The following RBBP8 variants were observed in gnomAD, a reference collection of about 807,000 sequenced individuals.
RBBP8 encodes RB binding protein 8, endonuclease.
RBBP8 carries 88 observed loss-of-function variants against 108.3 expected under a neutral mutation model. The ratio of observed to expected loss-of-function variants is 0.81; its 90% CI spans 0.68 to 0.97. RBBP8 has a LOEUF of 0.97. Among genes scored for constraint, RBBP8 ranks in the 50% least tolerant of loss-of-function variants. The pLI is 0.00. For missense variants in RBBP8, 1,023 were observed against 1,049.0 expected (o/e 0.98, Z 0.34); for synonymous variants, 332 against 348.2 (o/e 0.95, Z 0.52).
At chr18:22,997,792 T>C in intron 14 of RBBP8, 58 bp downstream of exon 14, 1 of 1,207,584 alleles carries the variant, frequency 8.3e-7, no homozygotes, top group African/African-American at 1.5e-5. Context: ...AGTTTGTAGT[T>C]GTACCATTGC....
Position 22,936,956 on chromosome 18 carries a change from A to G in RBBP8, c.105A>G (p.Val35=). The G allele has an allele frequency of 6.2e-7, 1 of 1,614,020 alleles. No individual in the cohort carries two copies. The highest frequency in any genetic ancestry group is 1.1e-5 in the South Asian group (1 of 91,086). Reference sequence around the variant, plus strand: ...TAAAAGAATGTCATGATAGAGAAGTACAAGGTAAAATCTTTTCTTAAATAC... The same window carrying G: ...TAAAAGAATGTCATGATAGAGAAGTGCAAGGTAAAATCTTTTCTTAAATAC... ...TKLKECHDRE[V]QGLQVKVTKL... is the part of the protein sequence containing the mutation. The change falls in exon 2 of 19, where the codon GTA becomes GTG. Residue 35 remains valine (V), a synonymous_variant. Transcript: ENST00000327155.
At chr18:22,997,760 T>C (rs747816339) in intron 14 of RBBP8, 26 bp downstream of exon 14, 1 of 1,443,626 alleles carries the variant, frequency 6.9e-7, no homozygotes, top group South Asian at 1.2e-5. Flanking sequence ...GTTTTGTTAT[T>C]TTTTTTAATA....
At chr18:22,997,840 G>A in intron 14 of RBBP8, 106 bp downstream of exon 14, 1 of 793,676 alleles carries the variant, frequency 1.3e-6, no homozygotes, top group Admixed American at 2.0e-5. Flanking sequence ...CATAAAGCAG[G>A]TTTTTTCCTG....
intron 3 of RBBP8, among the ~76,000 whole-genome samples, chr18:22,917,723 G>A (rs755440637): frequency 5.3e-5 from 8 of 151,986 alleles, no homozygotes; most frequent in Non-Finnish European, 8.8e-5. Context: ...TGTTGGGGCC[G>A]GGCGCAGTGG....
chr18:23,013,419 G>C (rs186708289), intron 16 of RBBP8, among the ~76,000 whole-genome samples: 55 of 152,226 alleles, frequency 3.6e-4, no homozygotes, highest in African/African-American at 1.2e-3. Context: ...CAGTTTTTTG[G>C]TATGAGTTAC....
chr18:22,991,248 A>G (rs575168247), intron 10 of RBBP8, among the ~76,000 whole-genome samples, 199 bp downstream of exon 10: 2 of 152,330 alleles, frequency 1.3e-5, no homozygotes, highest in Admixed American at 6.5e-5. Flanking sequence ...GGTGGATATC[A>G]TTTTTAGCTA....
rs1040204500 is a variant in RBBP8 at position 22,917,656 on chromosome 18, G to A, written c.-154+630G>A. Among the ~76,000 whole-genome samples, 14 of 152,144 alleles carry A rather than the reference G, an allele frequency of 9.2e-5. No individual in the cohort carries two copies. The South Asian group carries it at 1.9e-3, about 20-fold the overall frequency. ...GTCAACTTTAACTTAGAATATGCAC[G>A]TTTTTGTCAGAAAGATAAAAATAAA... On this transcript the variant is annotated intron_variant, in intron 3 of 4. Coordinates refer to the RBBP8 transcript ENST00000577588.
At chr18:22,951,924 T>C (rs748719241) in intron 4 of RBBP8, among the ~76,000 whole-genome samples, 2 of 152,106 alleles carry the variant, frequency 1.3e-5, no homozygotes, top group Non-Finnish European at 2.9e-5. Context: ...CACCATGGAG[T>C]TGGGGTGCTG....
In RBBP8 at chr18:22,987,111, G is replaced by A. The variant is rs544055057; in HGVS notation, c.710-2110G>A. ...ACAGCTTCTCTTCAGAGGTGAAAAA[G>A]TATTAATAGTCTATACTCAATATCT... On this transcript the variant is annotated intron_variant, in intron 8 of 18. Coordinates refer to ENST00000327155, the MANE Select transcript of RBBP8 (RefSeq NM_002894.3). Among the ~76,000 whole-genome samples the A allele has an allele frequency of 5.3e-5, 8 of 152,236 alleles. No individual in the cohort carries two copies. The South Asian group carries it at 1.7e-3, about 32-fold the overall frequency.
chr18:22,947,066 T>C (rs1453593728), intron 3 of RBBP8, among the ~76,000 whole-genome samples: 3 of 152,086 alleles, frequency 2.0e-5, no homozygotes, highest in East Asian at 3.8e-4. Context: ...TTCAGGAATC[T>C]GAAACAGATG....
intron 6 of RBBP8, among the ~76,000 whole-genome samples, 179 bp from the exon 7 acceptor site, chr18:22,982,039 T>C (rs1475847692): frequency 6.6e-6 from 1 of 152,252 alleles, no homozygotes; most frequent in African/African-American, 2.4e-5. Context: ...TCTCACATAG[T>C]ATTTCCCACT....
At chr18:22,943,979 G>C (rs1911325747) in intron 2 of RBBP8, among the ~76,000 whole-genome samples, 1 of 152,132 alleles carries the variant, frequency 6.6e-6, no homozygotes, top group African/African-American at 2.4e-5. Context: ...GCTTGGTCTT[G>C]TGAACACTGT....
rs538499361 is a variant in RBBP8 at position 22,927,328 on chromosome 18, G to T, written c.-153-2055G>T. ...CACAGGCACTTAATGCTGGGTGGGG[G>T]ATGGGATGATGCAGGGAGCAGGACA... On this transcript the variant is annotated intron_variant, in intron 3 of 4. Transcript: ENST00000577588. Among the ~76,000 whole-genome samples the T allele has an allele frequency of 2.0e-5, 3 of 152,288 alleles. No homozygotes were observed. In the South Asian group the frequency reaches 6.2e-4, roughly 32 times the overall value.
intron 4 of RBBP8, among the ~76,000 whole-genome samples, chr18:22,960,050 C>T (rs1193118146): frequency 6.6e-6 from 1 of 151,714 alleles, no homozygotes; most frequent in Admixed American, 6.6e-5. Context: ...CGCCACCACG[C>T]CCAACTAACT....
chr18:22,996,366 T>G lies in RBBP8; in HGVS notation c.1940-8T>G, dbSNP rs551219716. On this transcript the variant is annotated splice_polypyrimidine_tract_variant and splice_region_variant and intron_variant, in intron 12 of 18. Coordinates refer to ENST00000327155, the MANE Select transcript of RBBP8 (RefSeq NM_002894.3). ...TTTTTAATTGCATGCTCTTTCCCTT[T>G]ACCTAAGATGTATCCTTTGAAAATA... 4 of 1,613,254 alleles carry G rather than the reference T, an allele frequency of 2.5e-6. No homozygotes were observed. The highest frequency in any genetic ancestry group is 3.4e-6 in the Non-Finnish European group (4 of 1,179,710).
chr18:22,995,869 T>C (rs537683584), intron 12 of RBBP8, among the ~76,000 whole-genome samples: 1 of 152,340 alleles, frequency 6.6e-6, no homozygotes, highest in South Asian at 2.1e-4. Flanking sequence ...CAGGTTTTTG[T>C]GTGGATGTAT....
intron 2 of RBBP8, among the ~76,000 whole-genome samples, chr18:22,940,273 G>A (rs550324593): frequency 2.3e-4 from 34 of 150,860 alleles, no homozygotes; most frequent in African/African-American, 8.1e-4. Flanking sequence ...ATATTGTTTT[G>A]TAGTCCATGA....
intron 17 of RBBP8, among the ~76,000 whole-genome samples, chr18:23,020,104 A>ATT (rs542049374): frequency 7.2e-6 from 1 of 138,652 alleles, no homozygotes; most frequent in Non-Finnish European, 1.6e-5. Context: ...TCTCCTGGTC[A>ATT]TTTTTTTTTT....
At chr18:22,957,297 T>C (rs897854543) in intron 4 of RBBP8, among the ~76,000 whole-genome samples, 1 of 146,724 alleles carries the variant, frequency 6.8e-6, no homozygotes, top group African/African-American at 2.5e-5. Context: ...TTTTCTTTTT[T>C]TTTTTTTTTT....
Sources: allele counts gnomAD v4.1 joint callset (sites outside exome capture counted in the v4.1 genomes callset), GRCh38; gene constraint gnomAD v4.1.1; transcripts MANE v1.5; gene names NCBI Gene and HGNC (gene_info 2026-07-23, HGNC 2026-07-21).